PCDHA11: variants seen among roughly 807,000 people sequenced by gnomAD.
PCDHA11 encodes protocadherin alpha 11, also known as protocadherin alpha-11.
Under a neutral mutation model 70.3 loss-of-function variants are expected in PCDHA11, and 61 were observed. The ratio of observed to expected loss-of-function variants is 0.87; its 90% CI spans 0.71 to 1.07. PCDHA11 has a LOEUF of 1.07. Among genes scored for constraint, PCDHA11 ranks in the 50% least tolerant of loss-of-function variants. The probability of loss-of-function intolerance (pLI) is 0.00; values close to 1 mark genes in which losing one functional copy is unlikely to be tolerated. For missense variants in PCDHA11, 1,324 were observed against 1,237.5 expected (o/e 1.07, Z -1.05); for synonymous variants, 633 against 555.1 (o/e 1.14, Z -1.97).
At chr5:141,000,079 G>A (rs1233130123) in intron 3 of PCDHA11, among the ~76,000 whole-genome samples, 2 of 152,102 alleles carry the variant, frequency 1.3e-5, no homozygotes, top group Non-Finnish European at 2.9e-5. Flanking sequence ...CACAATGCTA[G>A]GCCTGTGAAT....
intron 1 of PCDHA11, among the ~76,000 whole-genome samples, chr5:140,923,822 T>C (rs1377526546): frequency 6.6e-6 from 1 of 152,156 alleles, no homozygotes; most frequent in Non-Finnish European, 1.5e-5. Flanking sequence ...AAAATAGACG[T>C]CAGTGGCAGT....
At chr5:141,001,975 G>C (rs900969211) in intron 3 of PCDHA11, among the ~76,000 whole-genome samples, 8 of 152,184 alleles carry the variant, frequency 5.3e-5, no homozygotes, top group African/African-American at 1.9e-4. Flanking sequence ...GTCTCTGCGC[G>C]GAAAGCCTGG....
At chr5:140,882,868 G>T in intron 1 of PCDHA11, 1 of 1,614,184 alleles carries the variant, frequency 6.2e-7, no homozygotes, top group Non-Finnish European at 8.5e-7. Context: ...GGAAAACACT[G>T]GACAGAGAGG....
intron 1 of PCDHA11, among the ~76,000 whole-genome samples, chr5:140,943,702 G>C (rs2153663732): frequency 6.6e-6 from 1 of 152,280 alleles, no homozygotes; most frequent in South Asian, 2.1e-4. Context: ...AAATATTGTG[G>C]AACACATTTA....
At chr5:141,003,962 C>G (rs2098144287) in intron 3 of PCDHA11, among the ~76,000 whole-genome samples, 1 of 152,098 alleles carries the variant, frequency 6.6e-6, no homozygotes, top group Non-Finnish European at 1.5e-5. Context: ...ACCCTGGGAG[C>G]ATAAGGGAGG....
Position 140,877,714 on chromosome 5 carries a change from T to G in PCDHA11, c.2391+6220T>G, listed in dbSNP as rs781999747. 3.1e-6 allele frequency: 5 copies of G among 1,613,836 alleles called. No homozygotes were observed. The highest frequency in any genetic ancestry group is 4.2e-6 in the Non-Finnish European group (5 of 1,179,978). ...GGTGTGCTCCAGCGCCGTGGGGAGTTGGTCTTACTCGCAGCAGAGGAGGCA... is the reference window on the plus strand; with the variant it reads ...GGTGTGCTCCAGCGCCGTGGGGAGTGGGTCTTACTCGCAGCAGAGGAGGCA... On this transcript the variant is annotated intron_variant, in intron 1 of 3. Coordinates refer to ENST00000398640, the MANE Select transcript of PCDHA11 (RefSeq NM_018902.5).
chr5:140,883,315 G>A (rs782377860), intron 1 of PCDHA11: 1 of 1,614,104 alleles, frequency 6.2e-7, no homozygotes, highest in Admixed American at 1.7e-5. Flanking sequence ...ACGCCCCAGA[G>A]GTTACCATCA....
intron 1 of PCDHA11, among the ~76,000 whole-genome samples, chr5:140,922,616 A>G (rs2080916487): frequency 6.6e-6 from 1 of 152,242 alleles, no homozygotes; most frequent in African/African-American, 2.4e-5. Context: ...TATTAAAACT[A>G]TGGTACACAT....
At chr5:140,885,110 TA>T (rs1368571784) in intron 1 of PCDHA11, among the ~76,000 whole-genome samples, 4 of 152,224 alleles carry the variant, frequency 2.6e-5, no homozygotes, top group African/African-American at 9.6e-5. Context: ...ATGCTTTTTT[TA>T]AGTGCACTTT....
At position 140,877,018 on chromosome 5, in the gene PCDHA11, A is replaced by C; in HGVS notation, c.2391+5524A>C. On this transcript the variant is annotated intron_variant, in intron 1 of 3. Transcript: ENST00000398640. ...CGTGTCGGTGCACGCGGAGAGCGGC[A>C]AGGTGTACGCGCTGCAGCCGCTAGA... 1 of 1,612,420 alleles carries C rather than the reference A, an allele frequency of 6.2e-7. No homozygotes were observed. Among genetic ancestry groups the C allele is most frequent in the Non-Finnish European group, 8.5e-7 (1 of 1,179,802 alleles).
At chr5:140,877,851 A>G in intron 1 of PCDHA11, 1 of 1,546,284 alleles carries the variant, frequency 6.5e-7, no homozygotes, top group South Asian at 1.3e-5. Context: ...TAAGTTATTA[A>G]TATTATTTAG....
Position 140,926,904 on chromosome 5 carries a change from T to G in PCDHA11, c.2392-52045T>G, listed in dbSNP as rs150445810. Reference sequence around the variant, plus strand: ...CGCCTAGAGGGAGGATGGTGGGCTGTGGGGTGGCAGTTTTATGTTTGTGGG... The same window carrying G: ...CGCCTAGAGGGAGGATGGTGGGCTGGGGGGTGGCAGTTTTATGTTTGTGGG... On this transcript the variant is annotated intron_variant, in intron 1 of 3. Transcript: ENST00000398640. 5,017 of 1,557,626 alleles carry G rather than the reference T, an allele frequency of 3.2e-3. 25 individuals carry two copies. Among genetic ancestry groups the G allele is most frequent in the African/African-American group, 0.019 (1,427 of 73,544 alleles).
chr5:140,955,397 A>G (rs1470827673), intron 1 of PCDHA11, among the ~76,000 whole-genome samples: 1 of 152,130 alleles, frequency 6.6e-6, no homozygotes, highest in Non-Finnish European at 1.5e-5. Context: ...CAATTATCCC[A>G]TACAGTTCTC....
chr5:140,966,724 C>G (rs1357964806), intron 1 of PCDHA11: 25 of 1,396,170 alleles, frequency 1.8e-5, no homozygotes, highest in Non-Finnish European at 2.3e-5. Context: ...GGGAAGCTGC[C>G]GCCTCCGGCC....
At chr5:140,926,330 G>T (rs1269020840) in intron 1 of PCDHA11, 1 of 152,266 alleles carries the variant, frequency 6.6e-6, no homozygotes, top group East Asian at 1.9e-4. Flanking sequence ...CGGGGTCAGA[G>T]CGCCGGGACC....
chr5:140,985,941 G>T (rs553776294), intron 3 of PCDHA11, among the ~76,000 whole-genome samples: 2 of 151,978 alleles, frequency 1.3e-5, no homozygotes, highest in South Asian at 4.1e-4. Flanking sequence ...GGGTTTCACT[G>T]TGTTAGCCAG....
At chr5:140,948,727 T>C (rs2094298087) in intron 1 of PCDHA11, among the ~76,000 whole-genome samples, 2 of 151,670 alleles carry the variant, frequency 1.3e-5, no homozygotes, top group Admixed American at 1.3e-4. Flanking sequence ...TATCAATAAG[T>C]CTAGCTGAGA....
At chr5:140,911,410 A>G (rs1472938045) in intron 1 of PCDHA11, among the ~76,000 whole-genome samples, 1 of 152,208 alleles carries the variant, frequency 6.6e-6, no homozygotes, top group African/African-American at 2.4e-5. Context: ...AGCCACTGGT[A>G]TGATAAGAAC....
chr5:141,000,422 T>TATATA (rs1491457105), intron 3 of PCDHA11, among the ~76,000 whole-genome samples: 1 of 51,852 alleles, frequency 1.9e-5, no homozygotes, highest in Non-Finnish European at 3.5e-5. Flanking sequence ...TATATATATA[T>TATATA]TTTTTTTTTT....
Sources: allele counts gnomAD v4.1 joint callset (sites outside exome capture counted in the v4.1 genomes callset), GRCh38; gene constraint gnomAD v4.1.1; transcripts MANE v1.5; gene names NCBI Gene and HGNC (gene_info 2026-07-23, HGNC 2026-07-21).